Variants in CFAP92 observed in about 807,000 individuals in gnomAD.
CFAP92 encodes the protein cilia and flagella associated protein 92 (putative).
Under a neutral mutation model 106.3 loss-of-function variants are expected in CFAP92, and 86 were observed. The ratio of observed to expected loss-of-function variants is 0.81; its 90% CI spans 0.68 to 0.97. The LOEUF (loss-of-function observed/expected upper bound fraction) is 0.97. CFAP92 is among the 50% of genes least tolerant of loss of function. CFAP92 has a pLI of 0.00. For missense variants in CFAP92, 1,204 were observed against 1,283.8 expected (o/e 0.94, Z 0.95); for synonymous variants, 477 against 506.4 (o/e 0.94, Z 0.78).
rs1050680505 is a variant in CFAP92 at position 128,965,623 on chromosome 3, G to A, written c.1241C>T (p.Thr414Ile). 3.0e-5 allele frequency: 12 copies of A among 398,800 alleles called. No homozygotes were observed. Among genetic ancestry groups the A allele is most frequent in the Non-Finnish European group, 5.3e-5 (12 of 226,048 alleles). The allele number at this position is 398,800 out of a possible 1,614,324, so 24.7% of individuals were successfully genotyped here. A position where few individuals can be genotyped will look rare whatever the true frequency, so the allele number is the denominator to read the frequency against. Reference protein sequence around the residue: ...NILDCLLTLKTEVPIMTEEQK... With the variant: ...NILDCLLTLKIEVPIMTEEQK... ...CTCCTCGGTCATGATCGGAACTTCT[G>A]TTTTTAAAGTCAAAAGGCAATCTAA... Residue 414 changes from threonine (T) to isoleucine (I), a missense_variant, in exon 9 of 16, where the codon ACA (threonine) becomes ATA (isoleucine). By Grantham distance (89) the Thr-to-Ile change is moderately conservative (BLOSUM62 -1). Transcript: ENST00000645291.
At chr3:128,992,940 G>GC in intron 2 of CFAP92, 103 bp downstream of exon 2, 3 of 1,389,580 alleles carry the variant, frequency 2.2e-6, no homozygotes, top group Non-Finnish European at 3.0e-6. Flanking sequence ...TTTGGGGTGG[G>GC]GCAGGTGGAG....
At chr3:128,975,061 A>G (rs1234563084) in intron 7 of CFAP92, among the ~76,000 whole-genome samples, 4 of 152,208 alleles carry the variant, frequency 2.6e-5, no homozygotes, top group Non-Finnish European at 5.9e-5. Flanking sequence ...CAGAGCTTGC[A>G]GTGAGCCGAG....
At chr3:129,003,211 C>T (rs1251277152), upstream of CFAP92, 2 of 985,214 alleles carry the variant, frequency 2.0e-6, no homozygotes, top group African/African-American at 3.5e-5. Context: ...GAAACTACTC[C>T]TCTGATGTGG....
chr3:129,019,146 A>C, the CFAP92 span, among the ~76,000 whole-genome samples: 7 of 152,322 alleles, frequency 4.6e-5, no homozygotes, highest in African/African-American at 1.7e-4. Flanking sequence ...CTTTGATGTA[A>C]TCAGGTTCAC....
chr3:128,945,254 G>A lies in CFAP92; in HGVS notation c.2075C>T (p.Ser692Phe). 9 of 1,536,162 alleles carry A rather than the reference G, an allele frequency of 5.9e-6. No individual in the cohort carries two copies. Among genetic ancestry groups the A allele is most frequent in the Non-Finnish European group, 7.8e-6 (9 of 1,146,916 alleles). The change falls in exon 10 of 16, where the codon TCC becomes TTC. Residue 692 changes from serine (S) to phenylalanine (F), a missense_variant. Physicochemically the swap from Ser to Phe is radical, Grantham distance 155 (BLOSUM62 -2). Transcript: ENST00000645291. ...CTGCTGCAGGGTCCTGACAGGGTAG[G>A]AGTCCAGGCCGAGGGCCTTAGCGTT... is the stretch of plus-strand genomic sequence containing the variant. ...MINAKALGLD[S>F]YPVRTLQQIL...
At chr3:128,925,757 C>T (rs952628195) in intron 12 of CFAP92, among the ~76,000 whole-genome samples, 4 of 152,120 alleles carry the variant, frequency 2.6e-5, no homozygotes, top group Admixed American at 2.6e-4. Context: ...CAAACATCAT[C>T]ATAAAACTGC....
At chr3:129,014,905 C>A in the CFAP92 span, among the ~76,000 whole-genome samples, 1 of 152,110 alleles carries the variant, frequency 6.6e-6, no homozygotes, top group Non-Finnish European at 1.5e-5. This position sits in a 1 kb window ranked among gnomAD's most constrained non-coding sequence, Gnocchi z 4.3. Context: ...CCTGTACACA[C>A]GGAGTCCTGC....
At chr3:129,019,987 T>C in the CFAP92 span, among the ~76,000 whole-genome samples, 1 of 152,062 alleles carries the variant, frequency 6.6e-6, no homozygotes, top group African/African-American at 2.4e-5. Flanking sequence ...CAGGCTGGTC[T>C]CGAACTCCTG....
chr3:129,000,754 C>T (rs576841093), intron 1 of CFAP92, among the ~76,000 whole-genome samples: 4 of 152,218 alleles, frequency 2.6e-5, no homozygotes, highest in Non-Finnish European at 5.9e-5. Flanking sequence ...GATCCCATTG[C>T]CAAGTCAGCA....
At chr3:128,991,722 G>T in intron 2 of CFAP92, 1 of 1,006,238 alleles carries the variant, frequency 9.9e-7, no homozygotes, top group Non-Finnish European at 1.2e-6. Context: ...ACAGCATGTT[G>T]CTCCACACCG....
At chr3:128,937,117 C>G (rs1184167827) in intron 10 of CFAP92, among the ~76,000 whole-genome samples, 3 of 151,328 alleles carry the variant, frequency 2.0e-5, no homozygotes, top group Non-Finnish European at 2.9e-5. Context: ...CCTTGGCAAC[C>G]TGGTGAAACC....
At chr3:129,006,051 A>G (rs556777339), upstream of CFAP92, among the ~76,000 whole-genome samples, 50 of 152,372 alleles carry the variant, frequency 3.3e-4, no homozygotes, top group African/African-American at 1.1e-3. Context: ...TTTAGTCCCC[A>G]TAAGGTTGTA....
At chr3:128,992,947 GGA>G (rs1944306910) in intron 2 of CFAP92, 94 bp downstream of exon 2, 9 of 1,435,542 alleles carry the variant, frequency 6.3e-6, no homozygotes, top group Non-Finnish European at 8.7e-6. Context: ...TGGGGCAGGT[GGA>G]GAGAGGATGT....
chr3:128,915,800 T>G (rs561206099), intron 13 of CFAP92: 51 of 499,082 alleles, frequency 1.0e-4, no homozygotes, highest in Non-Finnish European at 1.6e-4. Flanking sequence ...TGGCTTTCCC[T>G]TCTGTTGGTA....
chr3:128,929,340 G>A (rs983260240), intron 12 of CFAP92, among the ~76,000 whole-genome samples: 2 of 152,128 alleles, frequency 1.3e-5, no homozygotes, highest in African/African-American at 2.4e-5. Context: ...CAACTACACT[G>A]TAAAAACCGC....
At chr3:128,991,197 T>C (rs1308904017) in intron 2 of CFAP92, among the ~76,000 whole-genome samples, 3 of 152,220 alleles carry the variant, frequency 2.0e-5, no homozygotes, top group Admixed American at 1.3e-4. Flanking sequence ...AATTTTCTTT[T>C]GGTTGGTATT....
At chr3:129,018,451 T>C in the CFAP92 span, among the ~76,000 whole-genome samples, 1 of 152,390 alleles carries the variant, frequency 6.6e-6, no homozygotes, top group East Asian at 1.9e-4. Flanking sequence ...AATAAAGTTT[T>C]ATTGGAACAC....
intron 9 of CFAP92, among the ~76,000 whole-genome samples, chr3:128,953,619 CCCT>C: frequency 8.2e-6 from 1 of 122,386 alleles, no homozygotes; most frequent in Admixed American, 7.7e-5. Flanking sequence ...CTCTCCCTCT[CCCT>C]CCCTCTCCGT....
chr3:128,948,376 CCTT>C (rs1940449324), intron 9 of CFAP92, among the ~76,000 whole-genome samples: 2 of 95,312 alleles, frequency 2.1e-5, no homozygotes, highest in South Asian at 3.9e-4. Flanking sequence ...TCTTTTCTTT[CCTT>C]TTTTTTTTTT....
Sources: gnomAD v4.1 joint callset for allele counts (sites outside exome capture counted in the v4.1 genomes callset) on GRCh38, gnomAD v4.1.1 for gene constraint, Gnocchi (gnomAD v3.1) non-coding constraint, MANE v1.5 for transcripts, NCBI Gene and HGNC (gene_info 2026-07-23, HGNC 2026-07-21) for gene names.